The following USP54 variants were observed in gnomAD, a reference collection of about 807,000 sequenced individuals.
USP54 encodes ubiquitin specific peptidase 54.
USP54 carries 87 observed loss-of-function variants against 170.5 expected under a neutral mutation model. The ratio of observed to expected loss-of-function variants is 0.51; its 90% CI spans 0.43 to 0.61. The LOEUF is 0.61. Ranked by LOEUF, USP54 falls within the 20% of genes least tolerant of loss-of-function variation. The probability of loss-of-function intolerance (pLI) is 0.00; values close to 1 mark genes in which losing one functional copy is unlikely to be tolerated. For synonymous variants in USP54, 655 were observed against 742.8 expected, an observed-to-expected ratio of 0.88 and a Z score of 1.92; for missense variants, 1,786 against 2,047.8, an observed-to-expected ratio of 0.87 and a Z score of 2.47.
intron 4 of USP54, among the ~76,000 whole-genome samples, chr10:73,551,612 T>G (rs530760616): frequency 6.6e-5 from 10 of 152,318 alleles, no homozygotes; most frequent in Non-Finnish European, 1.5e-4. Flanking sequence ...ACATGATGAT[T>G]TGTTGAAAGA....
At chr10:73,574,540 G>C (rs1232062754) in intron 3 of USP54, among the ~76,000 whole-genome samples, 2 of 152,148 alleles carry the variant, frequency 1.3e-5, no homozygotes, top group African/African-American at 2.4e-5. Flanking sequence ...ACCTTGGGAG[G>C]CTGAGGCAGG....
chr10:73,524,572 C>T (rs2062518413), intron 16 of USP54, among the ~76,000 whole-genome samples: 1 of 152,050 alleles, frequency 6.6e-6, no homozygotes, highest in South Asian at 2.1e-4. Flanking sequence ...AAGAGCAAGA[C>T]TTCGTCTCAA....
Position 73,505,304 on chromosome 10 carries a change from C to T in USP54, c.4170+4G>A, listed in dbSNP as rs1472909980. ...CCCAGCACCTTAGCACCTGAGGCTGCTACCTGAGAAGTACGCACTGTTCTG... is the reference window on the plus strand; with the variant it reads ...CCCAGCACCTTAGCACCTGAGGCTGTTACCTGAGAAGTACGCACTGTTCTG... On this transcript the variant is annotated splice_donor_region_variant and intron_variant, in intron 21 of 23. Coordinates refer to ENST00000687698, the MANE Select transcript of USP54 (RefSeq NM_001391956.1). 10 of 1,612,650 alleles carry T rather than the reference C, an allele frequency of 6.2e-6. No individual in the cohort carries two copies. The highest frequency in any genetic ancestry group is 8.5e-6 in the Non-Finnish European group (10 of 1,179,162).
chr10:73,553,318 T>A (rs535950942), intron 4 of USP54: 1 of 152,214 alleles, frequency 6.6e-6, no homozygotes, highest in Admixed American at 6.5e-5. Flanking sequence ...ATTATTGTTG[T>A]CAGTCTTGCT....
chr10:73,557,298 A>G (rs1406796845), intron 4 of USP54, among the ~76,000 whole-genome samples: 2 of 152,162 alleles, frequency 1.3e-5, no homozygotes, highest in Non-Finnish European at 2.9e-5. Flanking sequence ...TTGAGGGGAC[A>G]GGGTAATTAG....
intron 20 of USP54, among the ~76,000 whole-genome samples, chr10:73,507,669 CA>C (rs913305815): frequency 0.014 from 320 of 22,452 alleles, no homozygotes; most frequent in African/African-American, 0.047. Flanking sequence ...GACTCCGTCG[CA>C]AAAAAAAAAA....
intron 20 of USP54, among the ~76,000 whole-genome samples, chr10:73,510,322 G>A (rs549957466): frequency 2.0e-5 from 3 of 152,020 alleles, no homozygotes; most frequent in Admixed American, 6.6e-5. Flanking sequence ...GAGATAGAAC[G>A]AGACCTCGTC....
intron 12 of USP54, among the ~76,000 whole-genome samples, chr10:73,534,038 C>A (rs556242960): frequency 3.9e-5 from 6 of 152,314 alleles, no homozygotes; most frequent in Admixed American, 3.9e-4. Context: ...CATCAATAAT[C>A]ACATTACAAT....
chr10:73,518,194 G>C (rs2061349074), intron 19 of USP54: 1 of 985,284 alleles, frequency 1.0e-6, no homozygotes, highest in South Asian at 4.7e-5. Flanking sequence ...CCTACCTGGG[G>C]TCCTGAGAGG....
At chr10:73,564,383 T>G (rs1359232911) in intron 4 of USP54, among the ~76,000 whole-genome samples, 1 of 152,214 alleles carries the variant, frequency 6.6e-6, no homozygotes, top group South Asian at 2.1e-4. Context: ...GGAGAACTAA[T>G]TGTCTAAACA....
At chr10:73,499,226 C>T (rs1004876220) in intron 23 of USP54, 38 bp from the exon 24 acceptor site, 43 of 1,545,894 alleles carry the variant, frequency 2.8e-5, no homozygotes, top group Non-Finnish European at 3.7e-5. Context: ...TGAGCATCTT[C>T]AGAAAACCAT....
chr10:73,535,971 A>G (rs1350983922), intron 11 of USP54, among the ~76,000 whole-genome samples: 1 of 152,238 alleles, frequency 6.6e-6, no homozygotes, highest in African/African-American at 2.4e-5. Context: ...ATCCTCACCA[A>G]TATTAGAAGG....
At chr10:73,515,659 T>C (rs953503125) in intron 20 of USP54, among the ~76,000 whole-genome samples, 15 of 152,182 alleles carry the variant, frequency 9.9e-5, no homozygotes, top group Non-Finnish European at 2.1e-4. Flanking sequence ...GACATCCTAC[T>C]GCAAAGCAGA....
intron 3 of USP54, among the ~76,000 whole-genome samples, chr10:73,573,060 G>C (rs1406716092): frequency 3.9e-5 from 6 of 152,054 alleles, no homozygotes; most frequent in African/African-American, 1.5e-4. Context: ...AACGCAGGAT[G>C]ATCATTTGAG....
chr10:73,501,528 C>T (rs1311101634), intron 22 of USP54, among the ~76,000 whole-genome samples: 1 of 152,162 alleles, frequency 6.6e-6, no homozygotes, highest in Admixed American at 6.5e-5. Flanking sequence ...TGGCAATGAC[C>T]TTGATTTCCC....
At chr10:73,609,271 C>G (rs532698517) in intron 1 of USP54, among the ~76,000 whole-genome samples, 1 of 152,364 alleles carries the variant, frequency 6.6e-6, no homozygotes, top group South Asian at 2.1e-4. Flanking sequence ...CACTATACAG[C>G]TCTGACTGGG....
At chr10:73,620,279 C>G (rs2080982012) in intron 1 of USP54, among the ~76,000 whole-genome samples, 1 of 147,732 alleles carries the variant, frequency 6.8e-6, no homozygotes, top group Non-Finnish European at 1.5e-5. Context: ...TGCCACTGCA[C>G]TCTAGCCTGG....
intron 1 of USP54, among the ~76,000 whole-genome samples, chr10:73,599,238 T>C (rs1216898211): frequency 6.6e-6 from 1 of 152,194 alleles, no homozygotes; most frequent in Non-Finnish European, 1.5e-5. Context: ...CACTACATTA[T>C]CAGCCACATG....
At chr10:73,540,519 G>C (rs61548896) in intron 9 of USP54, among the ~76,000 whole-genome samples, 23,877 of 151,946 alleles carry the variant, frequency 0.16, 3,139 homozygotes, top group East Asian at 0.53. Context: ...GCAGTGAAGG[G>C]AGATCACACT....
Sources: allele counts gnomAD v4.1 joint callset (sites outside exome capture counted in the v4.1 genomes callset), GRCh38; gene constraint gnomAD v4.1.1; transcripts MANE v1.5; gene names NCBI Gene and HGNC (gene_info 2026-07-23, HGNC 2026-07-21).